APBB2: variants seen among roughly 807,000 people sequenced by gnomAD.
APBB2 encodes Fe65-like 1.
APBB2 carries 38 observed loss-of-function variants against 82.5 expected under a neutral mutation model. That is an observed-to-expected ratio of 0.46 (90% CI 0.36 to 0.60). The LOEUF (loss-of-function observed/expected upper bound fraction) is 0.60. Among genes scored for constraint, APBB2 ranks in the 20% least tolerant of loss-of-function variants. The pLI is 0.00. For synonymous variants in APBB2, 341 were observed against 368.2 expected (o/e 0.93, Z 0.85); for missense variants, 772 against 972.3 (o/e 0.79, Z 2.74).
intron 1 of APBB2, among the ~76,000 whole-genome samples, chr4:41,212,444 A>G (rs1580878059): frequency 6.6e-6 from 1 of 152,160 alleles, no homozygotes; most frequent in Non-Finnish European, 1.5e-5. Flanking sequence ...GGCTCAAGCA[A>G]TCCTCCCACC....
chr4:40,990,390 T>C (rs1268061295), intron 6 of APBB2: 1 of 152,194 alleles, frequency 6.6e-6, no homozygotes, highest in Non-Finnish European at 1.5e-5. Context: ...ATCCGGTGTC[T>C]ACCGTGAAAA....
chr4:41,105,748 T>C (rs1477911021), intron 2 of APBB2, among the ~76,000 whole-genome samples: 3 of 151,944 alleles, frequency 2.0e-5, no homozygotes, highest in South Asian at 2.1e-4. Flanking sequence ...TAGCCAGGTG[T>C]GGTAGCGGGC....
At chr4:40,852,279 A>C (rs1367646485) in intron 12 of APBB2, among the ~76,000 whole-genome samples, 1 of 144,260 alleles carries the variant, frequency 6.9e-6, no homozygotes, top group Non-Finnish European at 1.5e-5. Context: ...TGAACCCGGG[A>C]GGCGAAGGCT....
At chr4:41,050,312 C>T (rs1266557741) in intron 4 of APBB2, among the ~76,000 whole-genome samples, 1 of 152,120 alleles carries the variant, frequency 6.6e-6, no homozygotes, top group Non-Finnish European at 1.5e-5. Flanking sequence ...CTTAGAATTC[C>T]TTCACATATG....
At chr4:40,867,520 C>T (rs1764333386) in intron 12 of APBB2, among the ~76,000 whole-genome samples, 1 of 152,212 alleles carries the variant, frequency 6.6e-6, no homozygotes, top group Non-Finnish European at 1.5e-5. Context: ...CTGTCTCATT[C>T]TCCAAATTGT....
At chr4:40,926,071 T>C (rs1227545332) in intron 10 of APBB2, among the ~76,000 whole-genome samples, 3 of 152,186 alleles carry the variant, frequency 2.0e-5, no homozygotes, top group African/African-American at 7.2e-5. Context: ...TGCGAACTGG[T>C]TGCAAATGGC....
intron 6 of APBB2, among the ~76,000 whole-genome samples, chr4:40,945,880 C>G (rs1378088568): frequency 6.6e-6 from 1 of 152,190 alleles, no homozygotes; most frequent in Non-Finnish European, 1.5e-5. Flanking sequence ...AGTGCTGGGA[C>G]TACAGGCGTG....
chr4:41,007,731 T>C (rs2154425877), intron 6 of APBB2, among the ~76,000 whole-genome samples: 1 of 152,360 alleles, frequency 6.6e-6, no homozygotes. Flanking sequence ...GAGCATGCAT[T>C]AATGATCGTG....
At chr4:41,048,801 T>A (rs577871736) in intron 4 of APBB2, among the ~76,000 whole-genome samples, 1 of 152,190 alleles carries the variant, frequency 6.6e-6, no homozygotes, top group East Asian at 1.9e-4. Context: ...GCCTGCAGAG[T>A]GCCTGCGATT....
chr4:41,114,259 G>A (rs1034980158), intron 2 of APBB2, among the ~76,000 whole-genome samples: 6 of 152,244 alleles, frequency 3.9e-5, no homozygotes, highest in East Asian at 1.9e-4. Context: ...AAAGGCCTTC[G>A]ATAAAATTCA....
intron 6 of APBB2, among the ~76,000 whole-genome samples, chr4:40,992,980 ACT>A (rs1198183386): frequency 6.6e-6 from 1 of 151,794 alleles, no homozygotes; most frequent in Admixed American, 6.6e-5. Context: ...TCCCTCTTTT[ACT>A]CTCTCTCTGT....
Position 41,000,105 on chromosome 4 carries a change from G to GTATA in APBB2, c.835+13474_835+13477dup, listed in dbSNP as rs533326927. 3.0e-5 allele frequency among the ~76,000 whole-genome samples: 4 copies of GTATA among 135,156 alleles called. No homozygotes were observed. In the East Asian group the frequency reaches 6.9e-4, roughly 23 times the overall value. The allele number at this position is 135,156 out of a possible 152,430, so 88.7% of individuals were successfully genotyped here. On this transcript the variant is annotated intron_variant, in intron 6 of 17. Coordinates refer to ENST00000508593, the MANE Select transcript of APBB2 (RefSeq NM_004307.2). Reference sequence around the variant, plus strand: ...TGTGTGTGTGTGTGTGTGTGTGTGTGTATAAATTAGCCAGGTGTGGTGGTG... The same window carrying GTATA: ...TGTGTGTGTGTGTGTGTGTGTGTGTGTATATATAAATTAGCCAGGTGTGGTGGTG...
At chr4:41,045,137 GA>G (rs947476221) in intron 4 of APBB2, among the ~76,000 whole-genome samples, 87 of 151,624 alleles carry the variant, frequency 5.7e-4, no homozygotes, top group Non-Finnish European at 1.2e-3. Context: ...TTTCTAAGAT[GA>G]TTTTTTTTAA....
In APBB2 at chr4:40,859,287, A is replaced by ATTTTT. The variant is rs34512213; in HGVS notation, c.1530-28715_1530-28711dup. Among the ~76,000 whole-genome samples, 3 of 141,930 alleles carry ATTTTT rather than the reference A, an allele frequency of 2.1e-5. 1 individual carries two copies. The highest frequency in any genetic ancestry group is 7.8e-5 in the African/African-American group (3 of 38,566). The allele number at this position is 141,930 out of a possible 152,430, so 93.1% of individuals were successfully genotyped here. A position where few individuals can be genotyped will look rare whatever the true frequency, so the allele number is the denominator to read the frequency against. ...ACATCTCATCAGGAGGGCTGCTGTC[A>ATTTTT]TTTTTTTTTTTTTTTTGAGACAGTG... On this transcript the variant is annotated intron_variant, in intron 12 of 17. Transcript: ENST00000508593.
intron 6 of APBB2, among the ~76,000 whole-genome samples, chr4:40,956,705 G>C (rs1791729730): frequency 6.6e-6 from 1 of 151,892 alleles, no homozygotes; most frequent in African/African-American, 2.4e-5. Context: ...TTAATGTTAA[G>C]ATTTCTGAGT....
chr4:41,049,339 T>C (rs1414552212), intron 4 of APBB2, among the ~76,000 whole-genome samples: 3 of 83,704 alleles, frequency 3.6e-5, no homozygotes, highest in East Asian at 7.4e-4. Context: ...GTGAGGAGCG[T>C]CTCCGACCGG....
intron 6 of APBB2, among the ~76,000 whole-genome samples, chr4:40,987,912 T>A (rs932279767): frequency 6.5e-4 from 99 of 152,330 alleles, no homozygotes; most frequent in African/African-American, 2.2e-3. Flanking sequence ...CCTCGAATGC[T>A]AAGATTTCAT....
At chr4:40,903,978 G>T (rs1307881260) in intron 10 of APBB2, among the ~76,000 whole-genome samples, 1 of 152,092 alleles carries the variant, frequency 6.6e-6, no homozygotes, top group African/African-American at 2.4e-5. Flanking sequence ...TACACTTAGG[G>T]TACATTTGTT....
At chr4:40,926,609 G>A (rs1286005395) in intron 10 of APBB2, among the ~76,000 whole-genome samples, 4 of 152,148 alleles carry the variant, frequency 2.6e-5, no homozygotes, top group African/African-American at 9.7e-5. Flanking sequence ...GTGCCACCAC[G>A]CCCAGCTAAT....
Sources: gnomAD v4.1 joint callset for allele counts (sites outside exome capture counted in the v4.1 genomes callset) on GRCh38, gnomAD v4.1.1 for gene constraint, MANE v1.5 for transcripts, NCBI Gene and HGNC (gene_info 2026-07-23, HGNC 2026-07-21) for gene names.